LHFPL6: variants seen among roughly 807,000 people sequenced by gnomAD.
LHFPL6 encodes LHFPL tetraspan subfamily member 6, also known as LHFPL tetraspan subfamily member 6 protein.
A neutral mutation model predicts 20.6 loss-of-function variants in LHFPL6; 9 were observed. The observed-to-expected ratio is 0.44, with a 90% CI of 0.26 to 0.76. The LOEUF is 0.76. Ranked by LOEUF, LHFPL6 falls within the 30% of genes least tolerant of loss-of-function variation. LHFPL6 has a pLI of 0.20. For missense variants in LHFPL6, 218 were observed against 253.5 expected (o/e 0.86, Z 0.95); for synonymous variants, 105 against 98.7 (o/e 1.06, Z -0.38).
At chr13:39,362,402 G>A (rs539124227) in intron 3 of LHFPL6, among the ~76,000 whole-genome samples, 2 of 152,322 alleles carry the variant, frequency 1.3e-5, no homozygotes, top group African/African-American at 4.8e-5. Flanking sequence ...GTGGAACTGT[G>A]CACCAATTAA....
At chr13:39,353,620 A>C (rs1255766635) in intron 3 of LHFPL6, among the ~76,000 whole-genome samples, 3 of 151,814 alleles carry the variant, frequency 2.0e-5, no homozygotes, top group African/African-American at 7.2e-5. Flanking sequence ...CCCAGCTACT[A>C]GGGAGGCTGA....
At chr13:39,380,371 T>C (rs776332959) in intron 2 of LHFPL6, among the ~76,000 whole-genome samples, 3 of 152,132 alleles carry the variant, frequency 2.0e-5, no homozygotes, top group Non-Finnish European at 2.9e-5. Flanking sequence ...TATGGGTCCA[T>C]GGTCTGTTAG....
chr13:39,394,737 C>T (rs1336021024), intron 2 of LHFPL6, among the ~76,000 whole-genome samples: 1 of 152,004 alleles, frequency 6.6e-6, no homozygotes, highest in Non-Finnish European at 1.5e-5. Context: ...GAGCCATTTC[C>T]CTTTAAGTAC....
chr13:39,408,861 T>C (rs1182962694), intron 2 of LHFPL6, among the ~76,000 whole-genome samples: 1 of 152,200 alleles, frequency 6.6e-6, no homozygotes, highest in Non-Finnish European at 1.5e-5. Context: ...TGTGTTGTTA[T>C]TATTATTCTT....
chr13:39,519,715 CT>C (rs1277964615), intron 2 of LHFPL6, among the ~76,000 whole-genome samples: 5 of 152,112 alleles, frequency 3.3e-5, no homozygotes. Context: ...TCTCTCTGAC[CT>C]TTAGGTAAGC....
At chr13:39,381,834 A>C (rs867020174) in intron 2 of LHFPL6, among the ~76,000 whole-genome samples, 401 of 17,786 alleles carry the variant, frequency 0.023, 2 homozygotes, top group Admixed American at 0.036. Flanking sequence ...GACAAAAAAA[A>C]AAAAAAAAAA....
At chr13:39,392,781 T>A (rs1870742498) in intron 2 of LHFPL6, among the ~76,000 whole-genome samples, 1 of 151,870 alleles carries the variant, frequency 6.6e-6, no homozygotes, top group African/African-American at 2.4e-5. Flanking sequence ...AGATACATTT[T>A]AAGGTATTTT....
chr13:39,464,491 G>C (rs1872754965), intron 2 of LHFPL6, among the ~76,000 whole-genome samples: 1 of 152,106 alleles, frequency 6.6e-6, no homozygotes, highest in African/African-American at 2.4e-5. Context: ...ATGAACCACA[G>C]TAGTTAACTC....
At chr13:39,560,662 C>T (rs962590821) in intron 2 of LHFPL6, among the ~76,000 whole-genome samples, 1 of 151,890 alleles carries the variant, frequency 6.6e-6, no homozygotes, top group African/African-American at 2.4e-5. Context: ...CTACAGGTGC[C>T]CGCCCCCACG....
intron 3 of LHFPL6, among the ~76,000 whole-genome samples, chr13:39,344,920 G>A (rs766361828): frequency 6.6e-6 from 1 of 152,122 alleles, no homozygotes; most frequent in African/African-American, 2.4e-5. Flanking sequence ...AGAATAGGTC[G>A]GTGTCCCCAG....
chr13:39,365,462 C>T (rs1471114392), intron 3 of LHFPL6, among the ~76,000 whole-genome samples: 1 of 152,048 alleles, frequency 6.6e-6, no homozygotes, highest in South Asian at 2.1e-4. Flanking sequence ...TTTGCTTGTA[C>T]AGTAGCTCTT....
At chr13:39,382,854 A>G (rs1018292606) in intron 2 of LHFPL6, among the ~76,000 whole-genome samples, 14 of 152,186 alleles carry the variant, frequency 9.2e-5, no homozygotes, top group African/African-American at 3.4e-4. Flanking sequence ...TTATATTAAT[A>G]TTTATGTAGC....
rs112442022 is a variant in LHFPL6, at chr13:39,562,844, T to C, written c.385+37988A>G. On this transcript the variant is annotated intron_variant, in intron 2 of 3. Coordinates refer to ENST00000379589, the MANE Select transcript of LHFPL6 (RefSeq NM_005780.3). ...AGACCCACCAGAGCGCCATTCAGTT[T>C]TCAATGCTTCAAAGATTTACACACT... is the stretch of plus-strand genomic sequence containing the variant. Among the ~76,000 whole-genome samples the C allele has an allele frequency of 3.6e-3, 549 of 152,090 alleles. 4 individuals are homozygous for C. The highest frequency in any genetic ancestry group is 0.013 in the African/African-American group (527 of 41,474).
chr13:39,586,148 A>C (rs1872440302), intron 2 of LHFPL6, among the ~76,000 whole-genome samples: 1 of 135,038 alleles, frequency 7.4e-6, no homozygotes, highest in South Asian at 2.7e-4. Context: ...GTATAAAATC[A>C]CTCTTACATC....
intron 2 of LHFPL6, among the ~76,000 whole-genome samples, chr13:39,460,467 A>G (rs984958442): frequency 1.3e-5 from 2 of 152,180 alleles, no homozygotes; most frequent in African/African-American, 4.8e-5. Flanking sequence ...AAAACAACCC[A>G]AACAAGCAGC....
intron 3 of LHFPL6, among the ~76,000 whole-genome samples, chr13:39,368,456 C>T (rs1271872139): frequency 6.6e-6 from 1 of 152,096 alleles, no homozygotes; most frequent in African/African-American, 2.4e-5. Context: ...GTGGTGCACG[C>T]CTGTAGTCCC....
chr13:39,455,950 T>C (rs1284694613), intron 2 of LHFPL6, among the ~76,000 whole-genome samples: 1 of 152,260 alleles, frequency 6.6e-6, no homozygotes, highest in East Asian at 1.9e-4. Context: ...CATATCATTG[T>C]CATCAAAACA....
chr13:39,540,049 A>G (rs1360800493), intron 2 of LHFPL6, among the ~76,000 whole-genome samples: 3 of 152,206 alleles, frequency 2.0e-5, no homozygotes, highest in African/African-American at 7.2e-5. Flanking sequence ...AATAAAAAGA[A>G]AGCTAAATCA....
At chr13:39,574,301 T>C (rs564858384) in intron 2 of LHFPL6, among the ~76,000 whole-genome samples, 2 of 151,922 alleles carry the variant, frequency 1.3e-5, no homozygotes, top group Non-Finnish European at 1.5e-5. Flanking sequence ...GCTAACATGG[T>C]GAAACCCCGT....
Sources: gnomAD v4.1 joint callset for allele counts (sites outside exome capture counted in the v4.1 genomes callset) on GRCh38, gnomAD v4.1.1 for gene constraint, MANE v1.5 for transcripts, NCBI Gene and HGNC (gene_info 2026-07-23, HGNC 2026-07-21) for gene names.